Variants in DIS3L2 observed in about 807,000 individuals in gnomAD.
The protein encoded by DIS3L2 is DIS3 like 3'-5' exoribonuclease 2.
DIS3L2 carries 34 observed loss-of-function variants against 97.5 expected under a neutral mutation model. That is an observed-to-expected ratio of 0.35 (90% CI 0.27 to 0.46). The LOEUF (loss-of-function observed/expected upper bound fraction) is 0.46. DIS3L2 is among the 20% of genes least tolerant of loss of function. The pLI, the probability that DIS3L2 is intolerant of heterozygous loss-of-function variation, is 1.00. For missense variants in DIS3L2, 1,038 were observed against 1,146.0 expected (o/e 0.91, Z 1.36); for synonymous variants, 435 against 445.2 (o/e 0.98, Z 0.29).
At chr2:232,239,196 GT>G (rs1038624382) in intron 11 of DIS3L2, among the ~76,000 whole-genome samples, 14 of 152,184 alleles carry the variant, frequency 9.2e-5, no homozygotes, top group African/African-American at 3.4e-4. Flanking sequence ...TAGTTACTAA[GT>G]GTCTACAGAC....
intron 8 of DIS3L2, among the ~76,000 whole-genome samples, chr2:232,162,902 C>T (rs1445935665): frequency 1.3e-5 from 2 of 152,010 alleles, no homozygotes; most frequent in Non-Finnish European, 2.9e-5. Context: ...TGGGCCAGTG[C>T]CCTAAAATGT....
chr2:232,302,823 G>T (rs1184758950), intron 14 of DIS3L2, among the ~76,000 whole-genome samples: 1 of 151,952 alleles, frequency 6.6e-6, no homozygotes, highest in African/African-American at 2.4e-5. Flanking sequence ...GCCCCCCAAA[G>T]TGCTGGGATT....
intron 11 of DIS3L2, among the ~76,000 whole-genome samples, chr2:232,245,803 A>G (rs1423774569): frequency 2.0e-5 from 3 of 152,240 alleles, no homozygotes; most frequent in Non-Finnish European, 2.9e-5. Context: ...CAACCACTGC[A>G]TGTGCTGGTA....
rs1203448037 is a variant in DIS3L2, at chr2:232,087,490, G to T, written c.370G>T (p.Val124Phe). 1 of 1,606,266 alleles carries T rather than the reference G, an allele frequency of 6.2e-7. No homozygotes were observed. The highest frequency in any genetic ancestry group is 8.5e-7 in the Non-Finnish European group (1 of 1,175,906). ...KLLPEEHWKV[V>F]KPESNDKETE... ...AGAATTTTTCTGTTTTCTTTAGGTA[G>T]TTAAACCAGAGAGCAATGACAAAGA... Residue 124 changes from valine to phenylalanine, a missense_variant, in exon 6 of 21, where the codon GTT (valine) becomes TTT (phenylalanine). By Grantham distance (50) the Val-to-Phe change is conservative. Coordinates refer to ENST00000325385, the MANE Select transcript of DIS3L2 (RefSeq NM_152383.5).
chr2:232,213,172 T>G (rs1692235254), intron 10 of DIS3L2, among the ~76,000 whole-genome samples: 1 of 152,192 alleles, frequency 6.6e-6, no homozygotes, highest in South Asian at 2.1e-4. Flanking sequence ...ATAAGTGATT[T>G]TTTTTCCTTT....
At chr2:232,136,174 G>A (rs139816722) in intron 7 of DIS3L2, among the ~76,000 whole-genome samples, 1 of 152,338 alleles carries the variant, frequency 6.6e-6, no homozygotes, top group African/African-American at 2.4e-5. Context: ...ACCTGGAGCT[G>A]TACTTCCCTG....
chr2:232,157,802 A>C (rs929479561), intron 8 of DIS3L2, among the ~76,000 whole-genome samples: 1 of 152,178 alleles, frequency 6.6e-6, no homozygotes, highest in South Asian at 2.1e-4. Flanking sequence ...GTGAGAAGTG[A>C]ATGTTGTGGA....
At chr2:232,296,366 C>T (rs572345812) in intron 13 of DIS3L2, among the ~76,000 whole-genome samples, 2 of 152,358 alleles carry the variant, frequency 1.3e-5, no homozygotes, top group Admixed American at 1.3e-4. Flanking sequence ...AGTTCCTCAT[C>T]TGTTTAAAGG....
chr2:232,282,098 A>T (rs1211422873), intron 13 of DIS3L2, among the ~76,000 whole-genome samples: 1 of 116,908 alleles, frequency 8.6e-6, no homozygotes, highest in Non-Finnish European at 1.7e-5. Flanking sequence ...CTCCCTCCTC[A>T]CCTCCTACTC....
At chr2:232,222,012 G>A (rs893346788) in intron 10 of DIS3L2, among the ~76,000 whole-genome samples, 1 of 149,590 alleles carries the variant, frequency 6.7e-6, no homozygotes, top group Non-Finnish European at 1.5e-5. Flanking sequence ...GTGTGATCTC[G>A]GCTCACTGCA....
chr2:232,281,906 C>T lies in DIS3L2; in HGVS notation c.1660-18134C>T, dbSNP rs1694297639. Reference sequence around the variant, plus strand: ...TGGGAAGCATCGGGATTGCTCATACCTCCCAAAGTACAGCAGGAAGGACTA... The same window carrying T: ...TGGGAAGCATCGGGATTGCTCATACTTCCCAAAGTACAGCAGGAAGGACTA... On this transcript the variant is annotated intron_variant, in intron 13 of 20. Transcript: ENST00000325385. The surrounding 1 kb of genome is among the most constrained non-coding windows in gnomAD (Gnocchi z 4.1). Among the ~76,000 whole-genome samples the T allele has an allele frequency of 6.6e-6, 1 of 151,802 alleles. No homozygotes were observed. The highest frequency in any genetic ancestry group is 1.5e-5 in the Non-Finnish European group (1 of 67,796).
chr2:232,188,404 A>G (rs1043748695), intron 9 of DIS3L2, among the ~76,000 whole-genome samples: 3 of 152,220 alleles, frequency 2.0e-5, no homozygotes, highest in Non-Finnish European at 2.9e-5. Context: ...AACAGAATAG[A>G]GAATCCAGAA....
At chr2:232,027,159 A>G (rs1282806767) in intron 4 of DIS3L2, among the ~76,000 whole-genome samples, 2 of 152,150 alleles carry the variant, frequency 1.3e-5, no homozygotes, top group African/African-American at 2.4e-5. Context: ...ACTCATACAT[A>G]AAGCCCATAA....
At position 232,329,948 on chromosome 2, in the gene DIS3L2, C is replaced by T. The variant is rs1325832387; in HGVS notation, c.1875C>T (p.Cys625=). The change falls in exon 15 of 21, where the codon TGC becomes TGT. Residue 625 remains cysteine, a synonymous_variant. Coordinates refer to ENST00000325385, the MANE Select transcript of DIS3L2 (RefSeq NM_152383.5). ...TRMLSDLVEF[C]DQMGLPVDFS... ...TGCTCAGTGACCTGGTGGAATTCTG[C>T]GACCAGATGGGGCTGCCCGTGGACT... 2.5e-6 allele frequency: 4 copies of T among 1,613,072 alleles called. No individual in the cohort carries two copies. The highest frequency in any genetic ancestry group is 2.2e-5 in the South Asian group (2 of 91,004).
intron 10 of DIS3L2, among the ~76,000 whole-genome samples, chr2:232,225,744 A>G (rs567903911): frequency 9.8e-5 from 15 of 152,348 alleles, no homozygotes; most frequent in Middle Eastern, 6.8e-3. Context: ...TTTATTTTAA[A>G]AAAATGAAGG....
chr2:231,969,302 C>A (rs754780046), intron 1 of DIS3L2, among the ~76,000 whole-genome samples: 2 of 150,436 alleles, frequency 1.3e-5, no homozygotes, highest in African/African-American at 4.9e-5. Flanking sequence ...TCTTATTAGT[C>A]CTAGACCTTT....
intron 6 of DIS3L2, among the ~76,000 whole-genome samples, chr2:232,103,761 T>C (rs1050411913): frequency 6.6e-6 from 1 of 152,204 alleles, no homozygotes; most frequent in African/African-American, 2.4e-5. Flanking sequence ...ATTGAAGCAA[T>C]TGAAGAACTC....
intron 5 of DIS3L2, among the ~76,000 whole-genome samples, chr2:232,050,576 G>A (rs1237802928): frequency 4.6e-5 from 7 of 152,086 alleles, no homozygotes; most frequent in Non-Finnish European, 1.0e-4. Flanking sequence ...GCACCCGGCC[G>A]GTTGTAGACA....
At chr2:232,003,817 T>C (rs1298000288) in intron 1 of DIS3L2, among the ~76,000 whole-genome samples, 1 of 152,244 alleles carries the variant, frequency 6.6e-6, no homozygotes, top group East Asian at 1.9e-4. Context: ...AGGAATCTGC[T>C]GCCATTCAAA....
Sources: gnomAD v4.1 joint callset for allele counts (sites outside exome capture counted in the v4.1 genomes callset) on GRCh38, gnomAD v4.1.1 for gene constraint, Gnocchi (gnomAD v3.1) non-coding constraint, MANE v1.5 for transcripts, NCBI Gene and HGNC (gene_info 2026-07-23, HGNC 2026-07-21) for gene names.